EXD1: variants seen among roughly 807,000 people sequenced by gnomAD.
EXD1 encodes the protein exonuclease 3'-5' domain containing 1.
In EXD1, 63 loss-of-function variants were observed where a neutral mutation model predicts 49.1. That is an observed-to-expected ratio of 1.28 (90% CI 1.05 to 1.58). The LOEUF (loss-of-function observed/expected upper bound fraction) is 1.58, where lower values mean the gene tolerates loss of function less well. Ranked by LOEUF, EXD1 falls within the 40% of genes most tolerant of loss-of-function variation. The pLI is 0.00. For missense variants in EXD1, 748 were observed against 666.0 expected, an observed-to-expected ratio of 1.12 and a Z score of -1.36; for synonymous variants, 234 against 239.2, an observed-to-expected ratio of 0.98 and a Z score of 0.20.
intron 11 of EXD1, among the ~76,000 whole-genome samples, chr15:41,186,787 T>A (rs1322028056): frequency 1.3e-5 from 2 of 152,026 alleles, no homozygotes; most frequent in Non-Finnish European, 2.9e-5. Context: ...TTTTTTTTCT[T>A]TTAGGAGATG....
chr15:41,190,399 G>A, intron 10 of EXD1: 1 of 386,686 alleles, frequency 2.6e-6, no homozygotes, highest in Non-Finnish European at 5.0e-6. Flanking sequence ...CTTAAACCTG[G>A]GAGGCGGAGC....
chr15:41,189,691 A>AAATAT lies in EXD1; in HGVS notation c.1056+245_1056+246insATATT, dbSNP rs1167514447. On this transcript the variant is annotated intron_variant, in intron 11 of 11. Transcript: ENST00000458580. ...AAAAATAAATAAATAAAATAAAATA[A>AAATAT]AATAAAATAAAAATATGGAAATATT... is the stretch of plus-strand genomic sequence containing the variant. Among the ~76,000 whole-genome samples the AAATAT allele has an allele frequency of 4.0e-5, 6 of 151,798 alleles. No individual in the cohort carries two copies. In the East Asian group the frequency reaches 1.2e-3, roughly 29 times the overall value.
At position 41,190,039 on chromosome 15, in the gene EXD1, G is replaced by T; in HGVS notation, c.954C>A (p.Arg318=). The change falls in exon 11 of 12, where the codon CGC becomes CGA. Residue 318 remains arginine (R), a synonymous_variant. Transcript: ENST00000458580. ...ALEATYLLPL[R]LALLDEMMSD... The stretch of plus-strand genomic sequence containing the variant: ...ACATCATCTCATCTAGGAGTGCCAA[G>T]CGAAGGGGTAACAGGTAGGTAGCTT... 6.2e-7 allele frequency: 1 copy of T among 1,614,148 alleles called. No individual in the cohort carries two copies.
chr15:41,195,676 A>AC, intron 9 of EXD1, 99 bp downstream of exon 9: 1 of 882,080 alleles, frequency 1.1e-6, no homozygotes, highest in East Asian at 2.9e-5. Context: ...AAAAAAAAAA[A>AC]AAATTAAAAA....
chr15:41,189,557 G>A (rs1285060989), intron 11 of EXD1, among the ~76,000 whole-genome samples: 1 of 151,790 alleles, frequency 6.6e-6, no homozygotes, highest in East Asian at 1.9e-4. Context: ...CAGTTACTCA[G>A]GAGGCTGAGG....
intron 2 of EXD1, among the ~76,000 whole-genome samples, chr15:41,220,336 T>C (rs571382107): frequency 6.6e-6 from 1 of 151,988 alleles, no homozygotes; most frequent in South Asian, 2.1e-4. Context: ...AGTAGCGCAA[T>C]CTCGGCTCAC....
rs774082866 is a variant in EXD1, at chr15:41,191,591, G to A, written c.721-6C>T. On this transcript the variant is annotated splice_polypyrimidine_tract_variant and splice_region_variant and intron_variant, in intron 9 of 11. Transcript: ENST00000458580. ...AACTGAAGTACATCTGCTACCTGTGGTATTTTAAAAAGACAAACAGACCAG... is the reference window on the plus strand; with the variant it reads ...AACTGAAGTACATCTGCTACCTGTGATATTTTAAAAAGACAAACAGACCAG... 1 of 1,613,186 alleles carries A rather than the reference G, an allele frequency of 6.2e-7. No individual in the cohort carries two copies. The highest frequency in any genetic ancestry group is 8.5e-7 in the Non-Finnish European group (1 of 1,179,596).
chr15:41,184,505 A>G lies in EXD1; in HGVS notation c.1145T>C (p.Val382Ala). Residue 382 changes from valine to alanine, a missense_variant, in exon 12 of 12, where the codon GTG (valine) becomes GCG (alanine). Physicochemically the swap from Val to Ala is moderately conservative, Grantham distance 64 (BLOSUM62 0). Transcript: ENST00000458580. ...RREKAAREYR[V>A]NAQGLLIRTV... Reference sequence around the variant, plus strand: ...CCTTATCAGGAGTCCCTGTGCATTCACCCTATATTCTCTTGCAGCTTTCTC... The same window carrying G: ...CCTTATCAGGAGTCCCTGTGCATTCGCCCTATATTCTCTTGCAGCTTTCTC... The G allele has an allele frequency of 6.2e-7, 1 of 1,614,016 alleles. No homozygotes were observed. Among genetic ancestry groups the G allele is most frequent in the Non-Finnish European group, 8.5e-7 (1 of 1,179,996 alleles).
chr15:41,221,164 A>G (rs890482421), intron 2 of EXD1, among the ~76,000 whole-genome samples: 3 of 152,190 alleles, frequency 2.0e-5, no homozygotes, highest in East Asian at 3.9e-4. Flanking sequence ...TATTATCTCA[A>G]TTATGGAGGA....
chr15:41,200,837 T>G (rs1034609520), intron 7 of EXD1, among the ~76,000 whole-genome samples: 4 of 151,816 alleles, frequency 2.6e-5, no homozygotes, highest in Non-Finnish European at 4.4e-5. Flanking sequence ...GCTTCATGTG[T>G]GAGGAAACAA....
chr15:41,190,154 TG>T, intron 10 of EXD1, 26 bp from the exon 11 acceptor site: 1 of 1,611,932 alleles, frequency 6.2e-7, no homozygotes, highest in Non-Finnish European at 8.5e-7. Flanking sequence ...CAATTTCCTC[TG>T]AACAGTAAGC....
Position 41,184,555 on chromosome 15 carries a change from G to C in EXD1, c.1095C>G (p.Leu365=). The C allele has an allele frequency of 1.2e-6, 2 of 1,604,688 alleles. No individual in the cohort carries two copies. The highest frequency in any genetic ancestry group is 1.7e-6 in the Non-Finnish European group (2 of 1,177,616). Residue 365 remains leucine, a synonymous_variant, in exon 12 of 12, where the codon CTC becomes CTG. Transcript: ENST00000458580. ...CCCTGCGCTGCTTCTGGAAGTCCTT[G>C]AGTTGAAGCAGTTCCTCTGGCAGCT... The part of the protein sequence containing the change: ...CMELPEELLQ[L]KDFQKQRREK...
In EXD1 at chr15:41,199,739, G is replaced by GTGATATATAATATA. The variant is rs1566980686; in HGVS notation, c.535-3703_535-3702insTATATTATATATCA. On this transcript the variant is annotated intron_variant, in intron 7 of 11. Coordinates refer to ENST00000458580, the MANE Select transcript of EXD1 (RefSeq NM_001286441.2). ...ATGATATATTATATATGATATATAT[G>GTGATATATAATATA]TCATATATTATATATGATACATATA... 4.0e-3 allele frequency among the ~76,000 whole-genome samples: 318 copies of GTGATATATAATATA among 79,364 alleles called. 13 individuals are homozygous for GTGATATATAATATA. The highest frequency in any genetic ancestry group is 0.029 in the Middle Eastern group (4 of 138). 52.1% of individuals were successfully genotyped at this position (79,364 alleles called of 152,430 possible).
At position 41,190,100 on chromosome 15, in the gene EXD1, G is replaced by A. The variant is rs750499423; in HGVS notation, c.893C>T (p.Pro298Leu). Residue 298 changes from proline to leucine, a missense_variant, in exon 11 of 12, where the codon CCT becomes CTT. Physicochemically the swap from Pro to Leu is moderately conservative, Grantham distance 98. Transcript: ENST00000458580. ...QENPEVWFIR[P>L]VSPSLLKILA... is the part of the protein sequence containing the mutation. Reference sequence around the variant, plus strand: ...AATTTTCAGTAAAGAGGGTGAAACAGGTCGGATGAACCATACTTCTGGATT... The same window carrying A: ...AATTTTCAGTAAAGAGGGTGAAACAAGTCGGATGAACCATACTTCTGGATT... 1 of 1,614,154 alleles carries A rather than the reference G, an allele frequency of 6.2e-7. No individual in the cohort carries two copies. The highest frequency in any genetic ancestry group is 1.1e-5 in the South Asian group (1 of 91,080).
chr15:41,198,087 T>C (rs1057111119), intron 7 of EXD1, among the ~76,000 whole-genome samples: 26 of 152,174 alleles, frequency 1.7e-4, no homozygotes, highest in Non-Finnish European at 2.9e-4. Context: ...ATTCTAATTG[T>C]GAACTAAATA....
At chr15:41,192,096 CAACCT>C (rs2046529647) in intron 9 of EXD1, 1 of 154,030 alleles carries the variant, frequency 6.5e-6, no homozygotes, top group Non-Finnish European at 1.4e-5. Context: ...CTCCCTTAGG[CAACCT>C]GGTGGTTCTC....
At chr15:41,227,398 A>C (rs1323365068) in intron 1 of EXD1, among the ~76,000 whole-genome samples, 1 of 152,186 alleles carries the variant, frequency 6.6e-6, no homozygotes, top group African/African-American at 2.4e-5. Flanking sequence ...GGCCGGGCGC[A>C]GTGGCTCATG....
At chr15:41,208,963 C>T (rs746812563) in intron 7 of EXD1, among the ~76,000 whole-genome samples, 10 of 148,760 alleles carry the variant, frequency 6.7e-5, no homozygotes, top group Admixed American at 1.3e-4. Flanking sequence ...GCTTTAACAG[C>T]GAACCTATTC....
chr15:41,203,440 A>C (rs536482581), intron 7 of EXD1, among the ~76,000 whole-genome samples: 1 of 152,166 alleles, frequency 6.6e-6, no homozygotes, highest in African/African-American at 2.4e-5. Flanking sequence ...AGACTCAGAA[A>C]ATAATACCCC....
Sources: allele counts gnomAD v4.1 joint callset (sites outside exome capture counted in the v4.1 genomes callset), GRCh38; gene constraint gnomAD v4.1.1; transcripts MANE v1.5; gene names NCBI Gene and HGNC (gene_info 2026-07-23, HGNC 2026-07-21).